The following RGS10 variants were observed in gnomAD, a reference collection of about 807,000 sequenced individuals.
The protein encoded by RGS10 is regulator of G-protein signalling 10.
A neutral mutation model predicts 23.5 loss-of-function variants in RGS10; 11 were observed. The observed-to-expected ratio is 0.47, with a 90% CI of 0.29 to 0.77. The LOEUF is 0.77. Among genes scored for constraint, RGS10 ranks in the 30% least tolerant of loss-of-function variants. The pLI, the probability that RGS10 is intolerant of heterozygous loss-of-function variation, is 0.08. For synonymous variants in RGS10, 77 were observed against 83.2 expected (o/e 0.92, Z 0.41); for missense variants, 180 against 226.3 (o/e 0.80, Z 1.31).
intron 4 of RGS10, among the ~76,000 whole-genome samples, chr10:119,511,677 C>T (rs570664897): frequency 7.9e-5 from 12 of 152,084 alleles, no homozygotes; most frequent in African/African-American, 1.9e-4. Flanking sequence ...TCACATAATA[C>T]GCCGACCTCA....
intron 4 of RGS10, among the ~76,000 whole-genome samples, chr10:119,512,431 C>G (rs773628422): frequency 4.6e-5 from 7 of 152,204 alleles, no homozygotes; most frequent in Admixed American, 1.3e-4. Flanking sequence ...CAAAACGGAA[C>G]ACAGGGGCCC....
At chr10:119,509,248 C>T (rs955080080) in intron 4 of RGS10, among the ~76,000 whole-genome samples, 5 of 151,924 alleles carry the variant, frequency 3.3e-5, no homozygotes, top group African/African-American at 4.8e-5. Context: ...AAGCTAGGCA[C>T]GGAGAGGGAG....
intron 3 of RGS10, among the ~76,000 whole-genome samples, chr10:119,523,191 T>TG (rs1486290511): frequency 1.3e-5 from 2 of 152,098 alleles, no homozygotes; most frequent in African/African-American, 4.8e-5. Context: ...GTCATATCCC[T>TG]GCATCTTCGA....
At chr10:119,529,441 C>T (rs766745526) in intron 1 of RGS10, among the ~76,000 whole-genome samples, 3 of 151,912 alleles carry the variant, frequency 2.0e-5, no homozygotes, top group Non-Finnish European at 2.9e-5. Flanking sequence ...GTGACAAGAG[C>T]GAAACTCTGA....
chr10:119,512,348 A>G (rs1444219068), intron 4 of RGS10, among the ~76,000 whole-genome samples: 5 of 152,182 alleles, frequency 3.3e-5, no homozygotes, highest in African/African-American at 7.2e-5. Context: ...TTTGCAAGAA[A>G]AAAACCGGGG....
intron 4 of RGS10, among the ~76,000 whole-genome samples, chr10:119,508,308 G>A (rs1370461896): frequency 6.6e-6 from 1 of 152,196 alleles, no homozygotes; most frequent in East Asian, 1.9e-4. Flanking sequence ...CCCAAAATCT[G>A]CTTTTAAGTG....
At chr10:119,515,381 A>G (rs867516449) in intron 4 of RGS10, 128 bp downstream of exon 4, 1 of 1,104,218 alleles carries the variant, frequency 9.1e-7, no homozygotes, top group Middle Eastern at 2.4e-4. Context: ...CCCTCAGTGT[A>G]CCTCGGTCTG....
At chr10:119,535,059 G>A (rs774827563) in intron 1 of RGS10, among the ~76,000 whole-genome samples, 2 of 151,954 alleles carry the variant, frequency 1.3e-5, no homozygotes, top group Non-Finnish European at 2.9e-5. Context: ...ACTTACAAGC[G>A]TCCCAGCTAG....
intron 1 of RGS10, among the ~76,000 whole-genome samples, chr10:119,537,379 T>C (rs1844399361): frequency 1.7e-5 from 1 of 60,542 alleles, no homozygotes; most frequent in Admixed American, 1.6e-4. Context: ...TGAAACTCCG[T>C]CTCAAAAAAA....
chr10:119,519,409 G>A (rs1844185417), intron 3 of RGS10, among the ~76,000 whole-genome samples: 2 of 121,020 alleles, frequency 1.7e-5, no homozygotes, highest in Non-Finnish European at 3.2e-5. Context: ...CTGTCTCCCT[G>A]TGTCTGTCTC....
At chr10:119,523,220 A>G (rs2133954876) in intron 3 of RGS10, among the ~76,000 whole-genome samples, 1 of 152,272 alleles carries the variant, frequency 6.6e-6, no homozygotes, top group Non-Finnish European at 1.5e-5. Flanking sequence ...AGTGACTCAC[A>G]CTGGGGCCCA....
At chr10:119,506,418 G>A (rs1399759305) in intron 4 of RGS10, among the ~76,000 whole-genome samples, 1 of 152,226 alleles carries the variant, frequency 6.6e-6, no homozygotes, top group Non-Finnish European at 1.5e-5. Flanking sequence ...TGCCAGGGGT[G>A]GGATTGGAAC....
At chr10:119,512,031 T>C (rs1844082051) in intron 4 of RGS10, among the ~76,000 whole-genome samples, 1 of 152,214 alleles carries the variant, frequency 6.6e-6, no homozygotes, top group Non-Finnish European at 1.5e-5. Flanking sequence ...TCATCTAGCC[T>C]GGGGCTCAGG....
chr10:119,522,890 T>TG (rs552135957), intron 3 of RGS10, among the ~76,000 whole-genome samples: 26 of 151,784 alleles, frequency 1.7e-4, no homozygotes, highest in Non-Finnish European at 2.8e-4. Context: ...TCTTTTTTTT[T>TG]TTGTTGAGAC....
At position 119,542,652 on chromosome 10, in the gene RGS10, C is replaced by G. The variant is rs1056341478; in HGVS notation, c.-14G>C. On this transcript the variant is annotated 5_prime_UTR_variant, in exon 1 of 5. Transcript: ENST00000369103. ...GCGGTTGAACATCGCCGCGGGCGCCCGAGGAGGAAGAAGGAGCAGCCCGGC... is the reference window on the plus strand; with the variant it reads ...GCGGTTGAACATCGCCGCGGGCGCCGGAGGAGGAAGAAGGAGCAGCCCGGC... 2.2e-5 allele frequency: 30 copies of G among 1,387,202 alleles called. No individual in the cohort carries two copies. The highest frequency in any genetic ancestry group is 2.4e-5 in the Non-Finnish European group (26 of 1,068,506). 85.9% of individuals were successfully genotyped at this position (1,387,202 alleles called of 1,614,324 possible).
chr10:119,502,355 A>T (rs749089781), intron 4 of RGS10, among the ~76,000 whole-genome samples: 3 of 152,062 alleles, frequency 2.0e-5, no homozygotes, highest in Non-Finnish European at 4.4e-5. Flanking sequence ...CTCAAATGTG[A>T]CTAATGAAAC....
At chr10:119,520,802 C>G (rs1284810824) in intron 3 of RGS10, among the ~76,000 whole-genome samples, 2 of 97,070 alleles carry the variant, frequency 2.1e-5, no homozygotes, top group African/African-American at 4.1e-5. Context: ...GTCAAAATCT[C>G]CAAAAGCAAA....
At chr10:119,502,623 C>T (rs1026474969) in intron 4 of RGS10, among the ~76,000 whole-genome samples, 3 of 152,104 alleles carry the variant, frequency 2.0e-5, no homozygotes, top group Non-Finnish European at 4.4e-5. Context: ...GAGGCTGCTT[C>T]GGCTGGGAGG....
At position 119,517,170 on chromosome 10, in the gene RGS10, G is replaced by A. The variant is rs900155935; in HGVS notation, c.256-1518C>T. 2.0e-5 allele frequency among the ~76,000 whole-genome samples: 3 copies of A among 152,340 alleles called. No homozygotes were observed. The highest frequency in any genetic ancestry group is 2.1e-4 in the South Asian group (1 of 4,824). On this transcript the variant is annotated intron_variant, in intron 3 of 4. Transcript: ENST00000369103. This position sits in a 1 kb window ranked among gnomAD's most constrained non-coding sequence, Gnocchi z 5.0. ...TGGGGCATGAAAGGAAGGAAGGGTA[G>A]CCCTTTTTTAGTTCAGGGCACTGGG...
Sources: gnomAD v4.1 joint callset for allele counts (sites outside exome capture counted in the v4.1 genomes callset) on GRCh38, gnomAD v4.1.1 for gene constraint, Gnocchi (gnomAD v3.1) non-coding constraint, MANE v1.5 for transcripts, NCBI Gene and HGNC (gene_info 2026-07-23, HGNC 2026-07-21) for gene names.